Variants in ZFHX3 observed in about 807,000 individuals in gnomAD.
The protein encoded by ZFHX3 is zinc finger homeobox protein 3.
A neutral mutation model predicts 279.1 loss-of-function variants in ZFHX3; 42 were observed. The observed-to-expected ratio is 0.15, with a 90% confidence interval of 0.12 to 0.19. ZFHX3 has a LOEUF of 0.19. Among genes scored for constraint, ZFHX3 ranks in the 10% least tolerant of loss-of-function variants. The pLI is 1.00. For synonymous variants in ZFHX3, 2,293 were observed against 1,957.8 expected (o/e 1.17, Z -4.52); for missense variants, 4,981 against 4,754.0 (o/e 1.05, Z -1.40).
At chr16:73,045,771 G>A (rs1380054855) in intron 1 of ZFHX3, among the ~76,000 whole-genome samples, 1 of 118,402 alleles carries the variant, frequency 8.4e-6, no homozygotes, top group Non-Finnish European at 1.7e-5. Flanking sequence ...CTATTTCATA[G>A]AAAGTACAGC....
intron 3 of ZFHX3, among the ~76,000 whole-genome samples, chr16:72,915,449 A>G (rs1489734464): frequency 6.6e-6 from 1 of 152,142 alleles, no homozygotes; most frequent in Non-Finnish European, 1.5e-5. Context: ...CTAGATCTCA[A>G]GAGGAAAACA....
chr16:73,243,549 C>G (rs1039748324), intron 5 of ZFHX3, among the ~76,000 whole-genome samples: 1 of 152,200 alleles, frequency 6.6e-6, no homozygotes. Context: ...ATATCCAACC[C>G]ACTAAGCTAT....
chr16:72,909,635 G>C (rs2039269202), intron 3 of ZFHX3, among the ~76,000 whole-genome samples: 1 of 152,126 alleles, frequency 6.6e-6, no homozygotes. Flanking sequence ...CCAGCACTTT[G>C]GGAGGCTGAG....
At chr16:72,949,771 C>A (rs63030061) in intron 3 of ZFHX3, among the ~76,000 whole-genome samples, 97,375 of 148,092 alleles carry the variant, frequency 0.66, 32,200 homozygotes, top group Non-Finnish European at 0.71. Context: ...AAAAAAAAAA[C>A]ACACAAAGGA....
chr16:73,114,203 C>G (rs1567392120), intron 7 of ZFHX3, among the ~76,000 whole-genome samples: 1 of 151,918 alleles, frequency 6.6e-6, no homozygotes, highest in Non-Finnish European at 1.5e-5. Flanking sequence ...GGGATTCAGG[C>G]ATGAGCCACC....
At chr16:73,848,698 A>T (rs1961514399) in intron 1 of ZFHX3, among the ~76,000 whole-genome samples, 2 of 152,236 alleles carry the variant, frequency 1.3e-5, no homozygotes, top group Admixed American at 1.3e-4. Context: ...CAATGCATTC[A>T]TTCTGTGATA....
chr16:73,170,964 C>T (rs990463987), intron 5 of ZFHX3, among the ~76,000 whole-genome samples: 17 of 152,168 alleles, frequency 1.1e-4, no homozygotes, highest in Non-Finnish European at 2.2e-4. Context: ...TCTGGGACTA[C>T]AGAACCGGCG....
At chr16:72,854,399 G>A (rs1034120012) in intron 4 of ZFHX3, among the ~76,000 whole-genome samples, 2 of 152,164 alleles carry the variant, frequency 1.3e-5, no homozygotes, top group Non-Finnish European at 2.9e-5. Context: ...ATCTGGAAGA[G>A]GAGATATAAG....
intron 3 of ZFHX3, among the ~76,000 whole-genome samples, chr16:73,376,704 T>C (rs1417794138): frequency 6.6e-6 from 1 of 152,144 alleles, no homozygotes; most frequent in Non-Finnish European, 1.5e-5. Flanking sequence ...GCGGATGGAA[T>C]GTGGCAGTCG....
intron 4 of ZFHX3, among the ~76,000 whole-genome samples, chr16:73,296,377 A>C (rs569261059): frequency 1.3e-5 from 2 of 152,304 alleles, no homozygotes; most frequent in Admixed American, 1.3e-4. Flanking sequence ...TGGGCCTTCC[A>C]TACCCTTGAT....
chr16:73,631,312 G>A (rs202029752), intron 2 of ZFHX3, among the ~76,000 whole-genome samples: 53 of 152,192 alleles, frequency 3.5e-4, no homozygotes, highest in African/African-American at 8.4e-4. Flanking sequence ...TTAACAACTC[G>A]AAATGTAGCA....
chr16:73,783,737 T>C (rs189649078), intron 1 of ZFHX3, among the ~76,000 whole-genome samples: 16 of 152,360 alleles, frequency 1.1e-4, no homozygotes, highest in Admixed American at 9.8e-4. Context: ...TTAACTCATT[T>C]AATCTTTGCA....
At chr16:72,852,037 A>G (rs905124052) in intron 4 of ZFHX3, among the ~76,000 whole-genome samples, 2 of 152,224 alleles carry the variant, frequency 1.3e-5, no homozygotes, top group African/African-American at 4.8e-5. Context: ...AAGGCAGGCT[A>G]TTAAAACCAG....
At chr16:72,792,916 A>G (rs2035762347) in intron 9 of ZFHX3, among the ~76,000 whole-genome samples, 1 of 152,254 alleles carries the variant, frequency 6.6e-6, no homozygotes, top group Admixed American at 6.5e-5. Flanking sequence ...TCTAGACAGG[A>G]TCAGCATTTC....
intron 2 of ZFHX3, among the ~76,000 whole-genome samples, chr16:73,640,098 A>G (rs1275341003): frequency 6.6e-6 from 1 of 152,190 alleles, no homozygotes; most frequent in Non-Finnish European, 1.5e-5. Context: ...GGCTTATTTT[A>G]GGAAGTATTT....
chr16:73,512,514 G>T (rs1044643031), intron 2 of ZFHX3, among the ~76,000 whole-genome samples: 1 of 103,844 alleles, frequency 9.6e-6, no homozygotes, highest in Admixed American at 1.1e-4. Context: ...AAAGAAAAAA[G>T]GTAATTAAAA....
At chr16:73,481,624 GTTGTTGTTTGTTTGT>G (rs2018869774) in intron 2 of ZFHX3, among the ~76,000 whole-genome samples, 1 of 147,860 alleles carries the variant, frequency 6.8e-6, no homozygotes, top group South Asian at 2.2e-4. Context: ...TTGTTTTTTT[GTTGTTGTTTGTTTGT>G]TTGTTTGTTT....
intron 2 of ZFHX3, among the ~76,000 whole-genome samples, chr16:73,524,761 G>A (rs752854084): frequency 2.0e-5 from 3 of 152,212 alleles, no homozygotes; most frequent in Non-Finnish European, 4.4e-5. Flanking sequence ...TGTGCAAGTG[G>A]TCAGCTGGTA....
At chr16:73,115,240 C>A (rs1362813465) in intron 7 of ZFHX3, among the ~76,000 whole-genome samples, 1 of 151,868 alleles carries the variant, frequency 6.6e-6, no homozygotes, top group Non-Finnish European at 1.5e-5. Flanking sequence ...CTACCACTGC[C>A]CCAAGATTAC....
Sources: gnomAD v4.1 joint callset for allele counts (sites outside exome capture counted in the v4.1 genomes callset) on GRCh38, gnomAD v4.1.1 for gene constraint, MANE v1.5 for transcripts, NCBI Gene and HGNC (gene_info 2026-07-23, HGNC 2026-07-21) for gene names.